The following PIK3C2G variants were observed in gnomAD, a reference collection of about 807,000 sequenced individuals.
The protein encoded by PIK3C2G is phosphatidylinositol-4-phosphate 3-kinase catalytic subunit type 2 gamma.
PIK3C2G carries 168 observed loss-of-function variants against 181.1 expected under a neutral mutation model. The observed-to-expected ratio is 0.93, with a 90% confidence interval of 0.82 to 1.05. The LOEUF (loss-of-function observed/expected upper bound fraction) is 1.05, where lower values mean the gene tolerates loss of function less well. Among genes scored for constraint, PIK3C2G ranks in the 50% least tolerant of loss-of-function variants. The pLI is 0.00. For missense variants in PIK3C2G, 1,869 were observed against 1,732.8 expected (o/e 1.08, Z -1.40); for synonymous variants, 573 against 592.2 (o/e 0.97, Z 0.47).
intron 5 of PIK3C2G, among the ~76,000 whole-genome samples, chr12:18,303,134 CTTTCTTTTCT>C (rs771262653): frequency 7.0e-6 from 1 of 142,686 alleles, no homozygotes; most frequent in African/African-American, 2.6e-5. Flanking sequence ...TTCTTTCTTT[CTTTCTTTTCT>C]TTTCTTTCTT....
intron 30 of PIK3C2G, among the ~76,000 whole-genome samples, chr12:18,608,445 A>G (rs1343226343): frequency 2.6e-5 from 4 of 151,730 alleles, no homozygotes; most frequent in Non-Finnish European, 5.9e-5. Context: ...TTCTCAGCAA[A>G]CTATGGCAAG....
intron 8 of PIK3C2G, among the ~76,000 whole-genome samples, chr12:18,327,224 A>C (rs1207558109): frequency 2.0e-5 from 3 of 152,126 alleles, no homozygotes; most frequent in Admixed American, 2.0e-4. Context: ...ATTTTTGCCT[A>C]TGAAACATCA....
chr12:18,647,185 A>G lies in PIK3C2G; in HGVS notation c.4309-691A>G, dbSNP rs373199825. ...AGTAACCACAGTATTATGCCTGCAT[A>G]TGCACAAGAAAATGTCATTGTGCTG... On this transcript the variant is annotated intron_variant, in intron 32 of 32. Transcript: ENST00000538779. Among the ~76,000 whole-genome samples the G allele has an allele frequency of 3.3e-5, 5 of 152,290 alleles. No homozygotes were observed. In the East Asian group the frequency reaches 7.7e-4, roughly 24 times the overall value.
chr12:18,723,839 A>G, the PIK3C2G span, among the ~76,000 whole-genome samples: 54 of 152,240 alleles, frequency 3.5e-4, no homozygotes, highest in African/African-American at 1.2e-3. Flanking sequence ...ACTTTACTTC[A>G]ATATCTTCTT....
intron 17 of PIK3C2G, among the ~76,000 whole-genome samples, 198 bp downstream of exon 17, chr12:18,421,232 AG>A (rs1164083336): frequency 6.6e-6 from 1 of 152,086 alleles, no homozygotes; most frequent in African/African-American, 2.4e-5. Flanking sequence ...AATTCCAAAA[AG>A]GAAAATTTTT....
intron 31 of PIK3C2G, among the ~76,000 whole-genome samples, chr12:18,632,054 T>C (rs1949372893): frequency 1.3e-5 from 2 of 152,122 alleles, no homozygotes; most frequent in Non-Finnish European, 2.9e-5. Flanking sequence ...ATGATGGTAC[T>C]GGCATCTAGT....
intron 6 of PIK3C2G, among the ~76,000 whole-genome samples, chr12:18,316,191 T>C (rs1950852798): frequency 6.6e-6 from 1 of 152,012 alleles, no homozygotes; most frequent in Non-Finnish European, 1.5e-5. Context: ...AGCTAGTAAA[T>C]AAGGGTGATG....
intron 18 of PIK3C2G, among the ~76,000 whole-genome samples, chr12:18,431,052 C>T (rs1480000106): frequency 1.3e-5 from 2 of 151,992 alleles, no homozygotes; most frequent in Admixed American, 6.6e-5. Context: ...GGAAATTTGG[C>T]ATCATGAGAT....
chr12:18,700,512 C>CAAAAAAAAAAAAAAAA, the PIK3C2G span, among the ~76,000 whole-genome samples: 18 of 67,886 alleles, frequency 2.7e-4, no homozygotes, highest in East Asian at 5.4e-4. Context: ...AGCCAACGTA[C>CAAAAAAAAAAAAAAAA]AAAAAAAAAA....
intron 11 of PIK3C2G, among the ~76,000 whole-genome samples, chr12:18,351,349 T>G (rs1940197732): frequency 6.6e-6 from 1 of 152,146 alleles, no homozygotes; most frequent in Admixed American, 6.5e-5. Flanking sequence ...TGTCACCATT[T>G]CCTCTATGCC....
intron 18 of PIK3C2G, among the ~76,000 whole-genome samples, chr12:18,438,477 T>C (rs527716394): frequency 7.2e-5 from 11 of 152,028 alleles, no homozygotes; most frequent in Non-Finnish European, 1.5e-4. Flanking sequence ...AAGATTGTCT[T>C]ATGGTACACG....
chr12:18,603,153 C>T (rs935258399), intron 30 of PIK3C2G, among the ~76,000 whole-genome samples: 1 of 152,048 alleles, frequency 6.6e-6, no homozygotes, highest in Non-Finnish European at 1.5e-5. Context: ...GAAAAATATT[C>T]AAGGAAATAG....
the PIK3C2G span, among the ~76,000 whole-genome samples, chr12:18,684,942 A>G: frequency 1.3e-5 from 2 of 151,954 alleles, no homozygotes; most frequent in Non-Finnish European, 2.9e-5. Flanking sequence ...TCCTGCTGCC[A>G]CATGAAAAGG....
intron 16 of PIK3C2G, among the ~76,000 whole-genome samples, chr12:18,405,691 T>C (rs1592174656): frequency 2.6e-5 from 4 of 152,242 alleles, no homozygotes; most frequent in Admixed American, 2.6e-4. Flanking sequence ...TAAAAACAGA[T>C]TAATGAATTT....
chr12:18,618,367 G>A (rs576187428), intron 31 of PIK3C2G, among the ~76,000 whole-genome samples: 1 of 152,122 alleles, frequency 6.6e-6, no homozygotes, highest in South Asian at 2.1e-4. Flanking sequence ...AGCTGCTATT[G>A]AGCAGGACAG....
At chr12:18,288,801 T>G (rs1949563840) in intron 3 of PIK3C2G, among the ~76,000 whole-genome samples, 2 of 152,200 alleles carry the variant, frequency 1.3e-5, no homozygotes, top group Admixed American at 6.5e-5. Flanking sequence ...GCAATTCTCT[T>G]TTTTAAAACA....
At chr12:18,587,644 G>A (rs1946859635) in intron 29 of PIK3C2G, among the ~76,000 whole-genome samples, 2 of 151,722 alleles carry the variant, frequency 1.3e-5, no homozygotes, top group African/African-American at 4.9e-5. Flanking sequence ...AATTTACAGA[G>A]TCAATGCTAT....
chr12:18,419,673 A>C (rs1221248382), intron 16 of PIK3C2G, among the ~76,000 whole-genome samples: 4 of 152,228 alleles, frequency 2.6e-5, no homozygotes, highest in Admixed American at 2.0e-4. Flanking sequence ...GTTCAACAGG[A>C]GAAAAATACT....
intron 18 of PIK3C2G, among the ~76,000 whole-genome samples, chr12:18,486,083 G>A (rs562925987): frequency 1.9e-4 from 29 of 152,090 alleles, no homozygotes; most frequent in Non-Finnish European, 4.0e-4. Flanking sequence ...TGAAAATACA[G>A]GAATAGAATA....
Sources: allele counts gnomAD v4.1 joint callset (sites outside exome capture counted in the v4.1 genomes callset), GRCh38; gene constraint gnomAD v4.1.1; transcripts MANE v1.5; gene names NCBI Gene and HGNC (gene_info 2026-07-23, HGNC 2026-07-21).